The following P2RY12 variants were observed in gnomAD, a reference collection of about 807,000 sequenced individuals.
The protein encoded by P2RY12 is P2Y purinoceptor 12.
P2RY12 carries 3 observed loss-of-function variants against 4.5 expected under a neutral mutation model. The ratio of observed to expected loss-of-function variants is 0.67; its 90% CI spans 0.31 to 1.74. The LOEUF (loss-of-function observed/expected upper bound fraction) is 1.74, where lower values mean the gene tolerates loss of function less well. Ranked by LOEUF, P2RY12 falls within the 40% of genes most tolerant of loss-of-function variation. P2RY12 has a pLI of 0.09. For missense variants in P2RY12, 356 were observed against 407.8 expected (o/e 0.87, Z 1.09); for synonymous variants, 148 against 154.1 (o/e 0.96, Z 0.29).
At chr3:151,383,657 T>A in intron 1 of P2RY12, 1 of 625,046 alleles carries the variant, frequency 1.6e-6, no homozygotes, top group Admixed American at 3.3e-5. Flanking sequence ...TAAGGTAATC[T>A]ATAAACTAGA....
chr3:151,360,479 G>A, intron 1 of P2RY12: 1 of 1,612,040 alleles, frequency 6.2e-7, no homozygotes, highest in Non-Finnish European at 8.5e-7. Flanking sequence ...CTCAGGTTGT[G>A]TGGTGTGGTC....
intron 1 of P2RY12, among the ~76,000 whole-genome samples, chr3:151,367,213 G>A (rs1175905568): frequency 1.3e-5 from 2 of 152,142 alleles, no homozygotes; most frequent in African/African-American, 2.4e-5. Flanking sequence ...AGTTACCACT[G>A]AAAGGAACTC....
At chr3:151,376,788 C>A (rs1381611708) in intron 1 of P2RY12, 2 of 1,610,362 alleles carry the variant, frequency 1.2e-6, no homozygotes, top group Non-Finnish European at 1.7e-6. Flanking sequence ...TAATTCTTTC[C>A]ATTTTTCCCA....
chr3:151,344,014 A>G (rs768178909), intron 1 of P2RY12, among the ~76,000 whole-genome samples: 1 of 152,146 alleles, frequency 6.6e-6, no homozygotes, highest in Non-Finnish European at 1.5e-5. Context: ...GCTTGGCTTT[A>G]TCCATTGGAA....
At position 151,369,396 on chromosome 3, in the gene P2RY12, T is replaced by C. The variant is rs1168563470; in HGVS notation, c.-180+15296A>G. 3.0e-6 allele frequency: 4 copies of C among 1,314,324 alleles called. No individual in the cohort carries two copies. The East Asian group carries it at 7.0e-5, about 23-fold the overall frequency. 81.4% of individuals were successfully genotyped at this position (1,314,324 alleles called of 1,614,324 possible). On this transcript the variant is annotated intron_variant, in intron 1 of 2. Coordinates refer to ENST00000302632, the MANE Select transcript of P2RY12 (RefSeq NM_022788.5). ...GTAAATAATTACAAAACATTACTAA[T>C]GATGGTAATGAGACTATTAAAGATT...
intron 1 of P2RY12, among the ~76,000 whole-genome samples, chr3:151,373,347 A>G (rs1356600476): frequency 6.6e-6 from 1 of 152,146 alleles, no homozygotes; most frequent in Non-Finnish European, 1.5e-5. Flanking sequence ...GTTAATTTTG[A>G]TTAAGATGTT....
intron 1 of P2RY12, chr3:151,376,888 G>A: frequency 1.2e-6 from 2 of 1,613,554 alleles, no homozygotes; most frequent in Non-Finnish European, 1.7e-6. Context: ...AGTTTATATT[G>A]AAAGCTTATC....
intron 1 of P2RY12, among the ~76,000 whole-genome samples, chr3:151,368,729 C>T (rs1344343615): frequency 2.6e-5 from 2 of 75,992 alleles, no homozygotes; most frequent in Admixed American, 1.8e-4. Context: ...CATTTCATTT[C>T]ATTTCATTTC....
chr3:151,346,190 G>T (rs567626089), intron 1 of P2RY12, among the ~76,000 whole-genome samples: 3 of 151,956 alleles, frequency 2.0e-5, no homozygotes, highest in African/African-American at 4.8e-5. Context: ...TTTTTTTCCC[G>T]ATGGTCAAGT....
intron 1 of P2RY12, chr3:151,382,718 C>A: frequency 6.2e-7 from 1 of 1,612,028 alleles, no homozygotes; most frequent in Non-Finnish European, 8.5e-7. Context: ...AGATGATGCA[C>A]GAAGCATTGC....
intron 1 of P2RY12, among the ~76,000 whole-genome samples, chr3:151,371,786 A>G (rs1756217725): frequency 6.6e-6 from 1 of 152,144 alleles, no homozygotes; most frequent in African/African-American, 2.4e-5. Context: ...TTGAATTTTT[A>G]TTACTCTCTC....
intron 1 of P2RY12, among the ~76,000 whole-genome samples, chr3:151,342,390 T>G (rs1751974132): frequency 6.6e-6 from 1 of 152,346 alleles, no homozygotes; most frequent in African/African-American, 2.4e-5. Context: ...GTTTTGAGTA[T>G]TTGTCTATGT....
At chr3:151,352,452 G>A (rs57764098) in intron 1 of P2RY12, among the ~76,000 whole-genome samples, 7,470 of 152,212 alleles carry the variant, frequency 0.049, 210 homozygotes, top group East Asian at 0.13. Flanking sequence ...CTGCTGTATT[G>A]TAAATAATCT....
intron 1 of P2RY12, among the ~76,000 whole-genome samples, chr3:151,379,072 T>A (rs919950653): frequency 4.6e-5 from 7 of 152,256 alleles, no homozygotes; most frequent in African/African-American, 1.7e-4. Flanking sequence ...TCTGAGCTTG[T>A]GCTCTTAACT....
rs10935841 is a variant in P2RY12 at position 151,383,903 on chromosome 3, C to T, written c.-180+789G>A. Reference sequence around the variant, plus strand: ...CACACTAACAAGTATGTTTTTATCACTTCACATTGATTTTGCTACATGTAT... The same window carrying T: ...CACACTAACAAGTATGTTTTTATCATTTCACATTGATTTTGCTACATGTAT... On this transcript the variant is annotated intron_variant, in intron 1 of 2. Transcript: ENST00000302632. The T allele has an allele frequency of 0.35, 563,498 of 1,597,770 alleles. 101,845 individuals carry two copies. Among genetic ancestry groups the T allele is most frequent in the Non-Finnish European group, 0.37 (432,157 of 1,166,700 alleles).
chr3:151,347,279 A>G (rs977375468), intron 1 of P2RY12, among the ~76,000 whole-genome samples: 2 of 152,176 alleles, frequency 1.3e-5, no homozygotes, highest in African/African-American at 2.4e-5. Flanking sequence ...CTTTAGCTAT[A>G]TATTTGTTCA....
intron 1 of P2RY12, chr3:151,350,014 C>T: frequency 6.3e-7 from 1 of 1,584,490 alleles, no homozygotes; most frequent in Non-Finnish European, 8.6e-7. Flanking sequence ...AATGCAACCC[C>T]ACCCCTGCAG....
chr3:151,380,153 C>T (rs866689687), intron 1 of P2RY12: 1 of 1,608,062 alleles, frequency 6.2e-7, no homozygotes, highest in Non-Finnish European at 8.5e-7. Flanking sequence ...CTCACTGGTA[C>T]TTACCTGCCT....
Position 151,338,199 on chromosome 3 carries a change from A to T in P2RY12, c.647T>A (p.Leu216Gln). The T allele has an allele frequency of 1.9e-6, 3 of 1,614,134 alleles. No individual in the cohort carries two copies. Among genetic ancestry groups the T allele is most frequent in the Non-Finnish European group, 2.5e-6 (3 of 1,179,996 alleles). Reference protein sequence around the residue: ...IVCYTLITKELYRSYVRTRGV... With the variant: ...IVCYTLITKEQYRSYVRTRGV... ...CCTCGTTCTTACGTATGACCGGTACAGTTCTTTTGTAATGAGTGTATAACA... is the reference window on the plus strand; with the variant it reads ...CCTCGTTCTTACGTATGACCGGTACTGTTCTTTTGTAATGAGTGTATAACA... Residue 216 changes from leucine to glutamine, a missense_variant, in exon 3 of 3, where the codon CTG (leucine) becomes CAG (glutamine). Transcript: ENST00000302632.
Sources: allele counts gnomAD v4.1 joint callset (sites outside exome capture counted in the v4.1 genomes callset), GRCh38; gene constraint gnomAD v4.1.1; transcripts MANE v1.5; gene names NCBI Gene and HGNC (gene_info 2026-07-23, HGNC 2026-07-21).